Variants in PI4KA observed in about 807,000 individuals in gnomAD.
The protein encoded by PI4KA is phosphatidylinositol 4-kinase alpha.
A neutral mutation model predicts 271.4 loss-of-function variants in PI4KA; 122 were observed. That is an observed-to-expected ratio of 0.45 (90% confidence interval 0.39 to 0.52). The LOEUF is 0.52. Ranked by LOEUF, PI4KA falls within the 20% of genes least tolerant of loss-of-function variation. The probability of loss-of-function intolerance (pLI) is 0.00; values close to 1 mark genes in which losing one functional copy is unlikely to be tolerated. For synonymous variants in PI4KA, 1,041 were observed against 1,078.8 expected, an observed-to-expected ratio of 0.96 and a Z score of 0.69; for missense variants, 1,969 against 2,769.1, an observed-to-expected ratio of 0.71 and a Z score of 6.48.
chr22:20,801,174 G>A (rs1935304695), intron 14 of PI4KA, among the ~76,000 whole-genome samples: 1 of 151,276 alleles, frequency 6.6e-6, no homozygotes, highest in Non-Finnish European at 1.5e-5. Context: ...ACAGGCTTGA[G>A]CCACCACACC....
rs145602069 is a variant in PI4KA, at chr22:20,754,020, G to C, written c.2792-840C>G. ...TCTTTCTGCATCACGTAAGTGGTAT[G>C]TGATAACAGTATCTCTTATTACTGG... On this transcript the variant is annotated intron_variant, in intron 23 of 54. Coordinates refer to ENST00000255882, the MANE Select transcript of PI4KA (RefSeq NM_058004.4). Among the ~76,000 whole-genome samples the C allele has an allele frequency of 1.4e-4, 21 of 152,138 alleles. No individual in the cohort carries two copies. The East Asian group carries it at 3.5e-3, about 25-fold the overall frequency.
At chr22:20,710,670 C>T (rs761701556) in intron 52 of PI4KA, 29 bp downstream of exon 52, 1 of 1,613,528 alleles carries the variant, frequency 6.2e-7, no homozygotes, top group African/African-American at 1.3e-5. Flanking sequence ...ACCCCCTCCG[C>T]CTCCACCCTG....
intron 19 of PI4KA, among the ~76,000 whole-genome samples, chr22:20,785,067 C>CTTT (rs1555894632): frequency 3.7e-5 from 5 of 134,442 alleles, no homozygotes; most frequent in Admixed American, 7.6e-5. Flanking sequence ...GGGACTGCAT[C>CTTT]TTTTTTTTTT....
At chr22:20,719,139 A>G (rs1412307287) in intron 43 of PI4KA, among the ~76,000 whole-genome samples, 1 of 152,048 alleles carries the variant, frequency 6.6e-6, no homozygotes, top group Non-Finnish European at 1.5e-5. Flanking sequence ...AGGGCATAGA[A>G]TCCTCACTGC....
At chr22:20,828,014 G>A (rs1019262588) in intron 3 of PI4KA, among the ~76,000 whole-genome samples, 3 of 152,030 alleles carry the variant, frequency 2.0e-5, no homozygotes, top group Non-Finnish European at 4.4e-5. Flanking sequence ...GGCTGGTGTC[G>A]AACTCCTGAC....
intron 19 of PI4KA, among the ~76,000 whole-genome samples, chr22:20,788,565 G>C (rs931532617): frequency 2.0e-5 from 3 of 152,232 alleles, no homozygotes; most frequent in Non-Finnish European, 4.4e-5. Flanking sequence ...CTGCAGCCCT[G>C]CTTTCCCCTG....
Position 20,764,778 on chromosome 22 carries a change from T to A in PI4KA, c.2708+39A>T, listed in dbSNP as rs768475797. 4.5e-6 allele frequency: 7 copies of A among 1,554,916 alleles called. No homozygotes were observed. In the South Asian group the frequency reaches 7.2e-5, roughly 16 times the overall value. ...CACAAAAATGAAAACCCTGCTCAAA[T>A]GTGGATGTGCATGTGCATGGTGGTG... On this transcript the variant is annotated intron_variant, in intron 22 of 54. Coordinates refer to ENST00000255882, the MANE Select transcript of PI4KA (RefSeq NM_058004.4).
At chr22:20,764,709 G>C in intron 22 of PI4KA, 108 bp downstream of exon 22, 1 of 1,217,548 alleles carries the variant, frequency 8.2e-7, no homozygotes, top group Non-Finnish European at 1.1e-6. Flanking sequence ...CAGAAAGTTT[G>C]CATGTCTTGG....
intron 3 of PI4KA, among the ~76,000 whole-genome samples, chr22:20,826,945 T>C (rs939280898): frequency 6.6e-6 from 1 of 152,236 alleles, no homozygotes; most frequent in South Asian, 2.1e-4. Flanking sequence ...TTCTGGACTT[T>C]AGACCTTTGC....
intron 3 of PI4KA, 39 bp from the exon 4 acceptor site, chr22:20,824,453 C>T (rs758776197): frequency 1.4e-6 from 2 of 1,434,490 alleles, no homozygotes; most frequent in Non-Finnish European, 2.0e-6. Context: ...AACCAGGAAC[C>T]AGATACTGGG....
At chr22:20,803,464 G>A in intron 12 of PI4KA, 144 bp from the exon 13 acceptor site, 1 of 803,470 alleles carries the variant, frequency 1.2e-6, no homozygotes, top group Admixed American at 2.4e-5. Context: ...ACCTGCCCAG[G>A]ACATAAAAAG....
intron 7 of PI4KA, 70 bp from the exon 8 acceptor site, chr22:20,813,576 C>G: frequency 2.2e-6 from 3 of 1,392,700 alleles, no homozygotes; most frequent in South Asian, 1.2e-5. Flanking sequence ...AAGCTGACTC[C>G]CCCAATAACC....
intron 36 of PI4KA, among the ~76,000 whole-genome samples, chr22:20,732,051 G>A (rs1285749469): frequency 6.6e-6 from 1 of 151,990 alleles, no homozygotes; most frequent in Non-Finnish European, 1.5e-5. Context: ...GCAGGCGCCT[G>A]TAGTCCCAGC....
intron 2 of PI4KA, among the ~76,000 whole-genome samples, chr22:20,838,053 A>G (rs165595): frequency 0.5 from 75,044 of 151,074 alleles, 19,197 homozygotes; most frequent in African/African-American, 0.6. Context: ...CCCTGGAGGC[A>G]GAGGTTGCAG....
intron 41 of PI4KA, 73 bp from the exon 42 acceptor site, chr22:20,726,614 CTCTGCT>C: frequency 7.4e-7 from 1 of 1,353,806 alleles, no homozygotes; most frequent in East Asian, 2.7e-5. Context: ...CAGGCCCTGC[CTCTGCT>C]TCTGCTCTGC....
intron 19 of PI4KA, among the ~76,000 whole-genome samples, chr22:20,788,977 C>G (rs1934453424): frequency 6.6e-6 from 1 of 152,226 alleles, no homozygotes; most frequent in South Asian, 2.1e-4. Flanking sequence ...AGCGCCCTCT[C>G]TGCTACAGCC....
chr22:20,804,717 A>G (rs1935533061), intron 11 of PI4KA, among the ~76,000 whole-genome samples: 2 of 152,238 alleles, frequency 1.3e-5, no homozygotes, highest in African/African-American at 4.8e-5. Flanking sequence ...GATGCAGCAG[A>G]GAGCATACAC....
chr22:20,716,454 G>T (rs1386951108), intron 45 of PI4KA, among the ~76,000 whole-genome samples: 1 of 152,176 alleles, frequency 6.6e-6, no homozygotes, highest in Non-Finnish European at 1.5e-5. Flanking sequence ...AGGGGGATGT[G>T]TGCTCCTTGA....
chr22:20,819,388 T>C (rs1922293794), intron 6 of PI4KA, among the ~76,000 whole-genome samples: 1 of 152,070 alleles, frequency 6.6e-6, no homozygotes, highest in Admixed American at 6.6e-5. Context: ...TAAGGCTTTT[T>C]TTTTAGAGGC....
Sources: allele counts gnomAD v4.1 joint callset (sites outside exome capture counted in the v4.1 genomes callset), GRCh38; gene constraint gnomAD v4.1.1; transcripts MANE v1.5; gene names NCBI Gene and HGNC (gene_info 2026-07-23, HGNC 2026-07-21).